The following SAMSN1 variants were observed in gnomAD, a reference collection of about 807,000 sequenced individuals.
SAMSN1 encodes SAM domain, SH3 domain and nuclear localization signals 1.
In SAMSN1, 31 loss-of-function variants were observed where a neutral mutation model predicts 42.0. The observed-to-expected ratio is 0.74, with a 90% CI of 0.55 to 1.00. SAMSN1 has a LOEUF of 1.00. Ranked by LOEUF, SAMSN1 falls within the 50% of genes least tolerant of loss-of-function variation. The pLI is 0.00. For missense variants in SAMSN1, 464 were observed against 439.4 expected (o/e 1.06, Z -0.50); for synonymous variants, 178 against 151.9 (o/e 1.17, Z -1.26).
chr21:14,513,146 A>G (rs1007413950), intron 3 of SAMSN1, among the ~76,000 whole-genome samples: 2 of 152,264 alleles, frequency 1.3e-5, no homozygotes, highest in Admixed American at 6.5e-5. Context: ...CTTGCATAAA[A>G]TTAGAAAAGA....
Position 14,486,046 on chromosome 21 carries a change from G to A in SAMSN1, c.988C>T (p.Gln330Ter). ...GAGTCCCTTGGGCAGTCATCTAACT[G>A]TGACTTATTTAAGGAGATGTCTGAG... ...LSSDISLNKSQLDDCPRDSGC... is the reference protein window; with the variant it reads ...LSSDISLNKS Residue 330 changes from glutamine to a stop codon, truncating the protein, a stop_gained, in exon 8 of 8, where the codon CAG becomes TAG. Transcript: ENST00000400566. LOFTEE classifies it high-confidence loss of function. 6.2e-7 allele frequency: 1 copy of A among 1,613,430 alleles called. No homozygotes were observed.
At chr21:14,589,105 C>T (rs1159947958) in intron 7 of SAMSN1, among the ~76,000 whole-genome samples, 2 of 152,032 alleles carry the variant, frequency 1.3e-5, no homozygotes, top group African/African-American at 2.4e-5. Context: ...ATCTCATTTT[C>T]AGACACTTTG....
intron 7 of SAMSN1, among the ~76,000 whole-genome samples, chr21:14,486,875 G>C (rs1484745209): frequency 1.3e-5 from 2 of 152,058 alleles, no homozygotes; most frequent in Non-Finnish European, 2.9e-5. Flanking sequence ...TTATCTTTTA[G>C]AAAAAGATTA....
chr21:14,528,528 T>A (rs942386092), intron 1 of SAMSN1, among the ~76,000 whole-genome samples: 3 of 152,130 alleles, frequency 2.0e-5, no homozygotes, highest in Admixed American at 1.3e-4. Context: ...TGGCCCAACC[T>A]CTGAAACTTT....
intron 6 of SAMSN1, among the ~76,000 whole-genome samples, chr21:14,597,634 A>T (rs1161481502): frequency 1.3e-5 from 2 of 152,176 alleles, no homozygotes; most frequent in Non-Finnish European, 2.9e-5. Flanking sequence ...TTCGGCTTTG[A>T]GGAAGAGAAT....
At chr21:14,525,438 A>AT (rs1285988876) in intron 1 of SAMSN1, among the ~76,000 whole-genome samples, 2 of 152,212 alleles carry the variant, frequency 1.3e-5, no homozygotes, top group Non-Finnish European at 2.9e-5. Context: ...GCAAATCAAT[A>AT]TAAAAAAATT....
intron 2 of SAMSN1, among the ~76,000 whole-genome samples, chr21:14,631,702 C>T (rs1430201804): frequency 1.3e-5 from 2 of 152,116 alleles, no homozygotes; most frequent in East Asian, 3.8e-4. Context: ...TGACTTCCTC[C>T]CCCCAATTTT....
At chr21:14,566,117 A>T (rs113324860) in intron 2 of SAMSN1, among the ~76,000 whole-genome samples, 2 of 152,194 alleles carry the variant, frequency 1.3e-5, no homozygotes, top group Non-Finnish European at 2.9e-5. Flanking sequence ...TTGACAACTC[A>T]TTGGCAGTAA....
At chr21:14,654,872 A>AAG (rs1489943823) in intron 1 of SAMSN1, among the ~76,000 whole-genome samples, 1 of 151,778 alleles carries the variant, frequency 6.6e-6, no homozygotes. Flanking sequence ...GAAAGAGAGA[A>AAG]AGAGAGAGAG....
chr21:14,489,841 G>A (rs1222139740), intron 7 of SAMSN1, among the ~76,000 whole-genome samples: 5 of 151,990 alleles, frequency 3.3e-5, no homozygotes, highest in South Asian at 2.1e-4. Flanking sequence ...GGGTGGCATC[G>A]TGATGAAAAC....
chr21:14,500,704 GT>G lies in SAMSN1; in HGVS notation c.592del (p.Thr198HisfsTer10). 6.2e-7 allele frequency: 1 copy of G among 1,613,964 alleles called. No individual in the cohort carries two copies. The highest frequency in any genetic ancestry group is 8.5e-7 in the Non-Finnish European group (1 of 1,179,890). On this transcript the variant is annotated frameshift_variant, in exon 6 of 8. Coordinates refer to ENST00000400566, the MANE Select transcript of SAMSN1 (RefSeq NM_022136.5). LOFTEE classifies it high-confidence loss of function. ...CATTCCTGTCCACATCCCCATTGGTGTTTTGCAAATAATGTCTATGATGTCT... is the reference window on the plus strand; with the variant it reads ...CATTCCTGTCCACATCCCCATTGGTGTTTGCAAATAATGTCTATGATGTCT... ...KGDIIDIICKTPMGMWTGMLN... is the reference protein window; with the variant it reads ...KGDIIDIICKXPMGMWTGMLN...
At position 14,517,004 on chromosome 21, in the gene SAMSN1, T is replaced by C. The variant is rs1987950555; in HGVS notation, c.167A>G (p.Gln56Arg). 9 of 1,613,454 alleles carry C rather than the reference T, an allele frequency of 5.6e-6. No individual in the cohort carries two copies. Among genetic ancestry groups the C allele is most frequent in the African/African-American group, 1.3e-5 (1 of 74,918 alleles). The change falls in exon 3 of 8, where the codon CAA (glutamine) becomes CGA (arginine). Residue 56 changes from glutamine to arginine, a missense_variant. Coordinates refer to ENST00000400566, the MANE Select transcript of SAMSN1 (RefSeq NM_022136.5). ...GCCTCCATTATTTGAAGTTTTACTT[T>C]GTTCTCCACTTCCATTTGTGGGATC... ...EGDPTNGSGE[Q>R]SKTSNNGGGL...
intron 2 of SAMSN1, among the ~76,000 whole-genome samples, chr21:14,560,155 G>T (rs1980899851): frequency 2.0e-5 from 3 of 152,122 alleles, no homozygotes; most frequent in African/African-American, 7.2e-5. Flanking sequence ...TTGTTAATTT[G>T]CCTGGAGAAG....
At chr21:14,628,803 T>C (rs1983247542) in intron 2 of SAMSN1, among the ~76,000 whole-genome samples, 1 of 152,184 alleles carries the variant, frequency 6.6e-6, no homozygotes. Flanking sequence ...ATTTGCAGAA[T>C]AATAACGGTG....
At chr21:14,537,558 GA>G (rs1979710396) in intron 1 of SAMSN1, among the ~76,000 whole-genome samples, 1 of 152,148 alleles carries the variant, frequency 6.6e-6, no homozygotes, top group Non-Finnish European at 1.5e-5. Flanking sequence ...ATGAATGAAC[GA>G]ATGCATGGAT....
At chr21:14,540,047 T>A (rs1979907233) in intron 1 of SAMSN1, among the ~76,000 whole-genome samples, 1 of 152,202 alleles carries the variant, frequency 6.6e-6, no homozygotes, top group Admixed American at 6.5e-5. Flanking sequence ...GGGGAAAGGA[T>A]TCCCTATTTA....
At chr21:14,640,878 AAGAC>A (rs961189949) in intron 2 of SAMSN1, among the ~76,000 whole-genome samples, 11 of 152,094 alleles carry the variant, frequency 7.2e-5, no homozygotes, top group African/African-American at 2.2e-4. Context: ...ATTACAGAGA[AAGAC>A]AGAGCTATAG....
chr21:14,602,217 T>C (rs868714197), intron 5 of SAMSN1: 34 of 354,384 alleles, frequency 9.6e-5, no homozygotes, highest in Middle Eastern at 7.3e-4. Context: ...ATTGGCTACG[T>C]CAAAAATATT....
intron 2 of SAMSN1, among the ~76,000 whole-genome samples, chr21:14,569,014 A>C (rs556115987): frequency 6.6e-6 from 1 of 152,286 alleles, no homozygotes; most frequent in East Asian, 1.9e-4. Flanking sequence ...TAAAAAGGCT[A>C]GGCATAGTAG....
Sources: allele counts gnomAD v4.1 joint callset (sites outside exome capture counted in the v4.1 genomes callset), GRCh38; gene constraint gnomAD v4.1.1; transcripts MANE v1.5; gene names NCBI Gene and HGNC (gene_info 2026-07-23, HGNC 2026-07-21).